The following BARHL1 variants were observed in gnomAD, a reference collection of about 807,000 sequenced individuals.
BARHL1 encodes barH-like 1 homeobox protein.
In BARHL1, 2 loss-of-function variants were observed where a neutral mutation model predicts 20.1. The observed-to-expected ratio is 0.10, with a 90% CI of 0.04 to 0.31. The LOEUF is 0.31. BARHL1 is among the 10% of genes least tolerant of loss of function. The pLI, the probability that BARHL1 is intolerant of heterozygous loss-of-function variation, is 1.00. For synonymous variants in BARHL1, 213 were observed against 209.9 expected (o/e 1.01, Z -0.13); for missense variants, 397 against 454.0 (o/e 0.87, Z 1.14).
intron 1 of BARHL1, 44 bp downstream of exon 1, chr9:132,583,307 T>G: frequency 6.6e-7 from 1 of 1,514,576 alleles, no homozygotes; most frequent in Admixed American, 2.0e-5. Flanking sequence ...GCTATGTATC[T>G]AAAAACTGAC....
rs952273991 is a variant in BARHL1 at position 132,582,741 on chromosome 9, C to G, written c.-57C>G. 5.6e-6 allele frequency: 8 copies of G among 1,424,820 alleles called. No individual in the cohort carries two copies. The African/African-American group carries it at 1.1e-4, about 20-fold the overall frequency. The allele number at this position is 1,424,820 out of a possible 1,614,324, so 88.3% of individuals were successfully genotyped here. A position where few individuals can be genotyped will look rare whatever the true frequency, so the allele number is the denominator to read the frequency against. On this transcript the variant is annotated 5_prime_UTR_variant, in exon 1 of 3. Coordinates refer to ENST00000263610, the MANE Select transcript of BARHL1 (RefSeq NM_020064.4). ...CCGCAGCTAGGGGCAGGGGCAGCGG[C>G]GGCTGGGGTTGGGGGTGGGTGGGGA...
In BARHL1 at chr9:132,589,473, C is replaced by T. The variant is rs1830183035; in HGVS notation, c.935C>T (p.Pro312Leu). 2.0e-6 allele frequency: 3 copies of T among 1,521,162 alleles called. No homozygotes were observed. Among genetic ancestry groups the T allele is most frequent in the Non-Finnish European group, 1.8e-6 (2 of 1,136,664 alleles). 94.2% of individuals were successfully genotyped at this position (1,521,162 alleles called of 1,614,324 possible). ...GLQGASEPPP[P>L]LPPLAGVLPR... is the part of the protein sequence containing the mutation. ...CAGGGCGCCAGCGAGCCGCCCCCGC[C>T]GCTGCCCCCCCTGGCCGGCGTCCTC... The change falls in exon 3 of 3, where the codon CCG becomes CTG. Residue 312 changes from proline (P) to leucine (L), a missense_variant. Pro to Leu is a moderately conservative substitution (Grantham distance 98). Coordinates refer to ENST00000263610, the MANE Select transcript of BARHL1 (RefSeq NM_020064.4).
Position 132,583,035 on chromosome 9 carries a change from C to A in BARHL1, c.238C>A (p.Pro80Thr). The change falls in exon 1 of 3, where the codon CCC becomes ACC. Residue 80 changes from proline to threonine, a missense_variant. By Grantham distance (38) the Pro-to-Thr change is conservative. This residue lies in a region of BARHL1 where 272 missense variants were observed against 298.7 expected (regional missense o/e 0.91). Coordinates refer to ENST00000263610, the MANE Select transcript of BARHL1 (RefSeq NM_020064.4). ...SGPGLDSHLQ[P>T]GQLSAPAQSR... ...CCCAGGTTTGGACTCCCACCTGCAG[C>A]CCGGGCAGCTCTCAGCCCCGGCCCA... The A allele has an allele frequency of 6.2e-7, 1 of 1,613,832 alleles. No homozygotes were observed. Among genetic ancestry groups the A allele is most frequent in the Non-Finnish European group, 8.5e-7 (1 of 1,179,956 alleles).
chr9:132,589,093 CG>C, intron 2 of BARHL1, 134 bp from the exon 3 acceptor site: 1 of 1,430,334 alleles, frequency 7.0e-7, no homozygotes, highest in South Asian at 1.6e-5. Context: ...GCCTGGCACT[CG>C]GTTATTTATT....
Position 132,587,377 on chromosome 9 carries a change from C to T in BARHL1, c.515C>T (p.Pro172Leu), listed in dbSNP as rs1376658986. The part of the protein sequence containing the change: ...REISSSRDSP[P>L]VRLKKPRKAR... ...ATCTCCAGCTCCAGGGACAGTCCCCCGGTGCGCCTGAAAAAGCCACGCAAG... is the reference window on the plus strand; with the variant it reads ...ATCTCCAGCTCCAGGGACAGTCCCCTGGTGCGCCTGAAAAAGCCACGCAAG... The change falls in exon 2 of 3, where the codon CCG becomes CTG. Residue 172 changes from proline to leucine, a missense_variant. Around this residue, in one of 3 missense-constraint regions of BARHL1, gnomAD observed 272 missense variants for 298.7 expected, o/e 0.91. Coordinates refer to ENST00000263610, the MANE Select transcript of BARHL1 (RefSeq NM_020064.4). The surrounding 1 kb of genome is among the most constrained non-coding windows in gnomAD (Gnocchi z 5.5). The T allele has an allele frequency of 1.2e-6, 2 of 1,611,426 alleles. No homozygotes were observed. The highest frequency in any genetic ancestry group is 1.7e-6 in the Non-Finnish European group (2 of 1,179,516).
chr9:132,587,526 G>A lies in BARHL1; in HGVS notation c.664G>A (p.Val222Ile). Residue 222 changes from valine (V) to isoleucine (I), a missense_variant, in exon 2 of 3, where the codon GTC (valine) becomes ATC (isoleucine). Transcript: ENST00000263610. This position sits in a 1 kb window ranked among gnomAD's most constrained non-coding sequence, Gnocchi z 5.5. The stretch of plus-strand genomic sequence containing the variant: ...CTCGCTCAACCTCACCGACACGCAG[G>A]TCAAGACCTGGTACCAGAACCGCAG... Reference protein sequence around the residue: ...AASLNLTDTQVKTWYQNRRTK... With the variant: ...AASLNLTDTQIKTWYQNRRTK... The A allele has an allele frequency of 6.2e-7, 1 of 1,612,036 alleles. No homozygotes were observed. Among genetic ancestry groups the A allele is most frequent in the Non-Finnish European group, 8.5e-7 (1 of 1,179,264 alleles).
At position 132,589,331 on chromosome 9, in the gene BARHL1, C is replaced by T; in HGVS notation, c.793C>T (p.Gln265Ter). The change falls in exon 3 of 3, where the codon CAG (glutamine) becomes TAG (stop). Residue 265 changes from glutamine (Q) to a stop codon, truncating the protein, a stop_gained. Coordinates refer to ENST00000263610, the MANE Select transcript of BARHL1 (RefSeq NM_020064.4). LOFTEE classifies it high-confidence loss of function. ...RMFPSPYFYP[Q>*]SLVSNLDPGA... is the part of the protein sequence containing the mutation. ...GTTCCCGTCGCCTTATTTCTACCCGCAGAGTCTGGTTTCCAACCTGGACCC... is the reference window on the plus strand; with the variant it reads ...GTTCCCGTCGCCTTATTTCTACCCGTAGAGTCTGGTTTCCAACCTGGACCC... 6.2e-7 allele frequency: 1 copy of T among 1,613,606 alleles called. No individual in the cohort carries two copies. Among genetic ancestry groups the T allele is most frequent in the Non-Finnish European group, 8.5e-7 (1 of 1,180,002 alleles).
intron 1 of BARHL1, among the ~76,000 whole-genome samples, chr9:132,584,558 A>T (rs913761595): frequency 7.2e-6 from 1 of 139,460 alleles, no homozygotes; most frequent in Non-Finnish European, 1.5e-5. Context: ...AGGAAGGCTC[A>T]TTTAACACTC....
At chr9:132,584,871 G>A (rs1830121237) in intron 1 of BARHL1, among the ~76,000 whole-genome samples, 1 of 152,206 alleles carries the variant, frequency 6.6e-6, no homozygotes, top group African/African-American at 2.4e-5. Context: ...AGGGGGAGGA[G>A]GAAGGAGGGG....
chr9:132,583,287 T>G (rs773454854), intron 1 of BARHL1, 24 bp downstream of exon 1: 2 of 1,575,954 alleles, frequency 1.3e-6, no homozygotes, highest in Admixed American at 1.8e-5. Context: ...AGGTGAAAAC[T>G]TGGGGGGATG....
At chr9:132,583,714 T>C (rs181662834) in intron 1 of BARHL1, among the ~76,000 whole-genome samples, 1 of 152,362 alleles carries the variant, frequency 6.6e-6, no homozygotes, top group Admixed American at 6.5e-5. Context: ...GTCAGAATTT[T>C]CTGCCTTTTA....
At position 132,587,698 on chromosome 9, in the gene BARHL1, A is replaced by AG; in HGVS notation, c.689+151dup. The AG allele has an allele frequency of 2.6e-6, 2 of 773,656 alleles. No individual in the cohort carries two copies. The highest frequency in any genetic ancestry group is 4.1e-6 in the Non-Finnish European group (2 of 485,196). 47.9% of individuals were successfully genotyped at this position (773,656 alleles called of 1,614,324 possible). ...GTAAAAGTGGGAAACTGAGTCCCTA[A>AG]GGGGACAAGGCCTTGCCCAAAGTCC... is the stretch of plus-strand genomic sequence containing the variant. On this transcript the variant is annotated intron_variant, in intron 2 of 2. Transcript: ENST00000263610. This position sits in a 1 kb window ranked among gnomAD's most constrained non-coding sequence, Gnocchi z 5.5.
In BARHL1 at chr9:132,586,785, G is replaced by C. The variant is rs553427686; in HGVS notation, c.467-544G>C. ...TCCATATAGGGGCAACGCCAGGCGG[G>C]GCACAATGATCTGTCCTTGAGGACA... is the stretch of plus-strand genomic sequence containing the variant. On this transcript the variant is annotated intron_variant, in intron 1 of 2. Transcript: ENST00000263610. Among the ~76,000 whole-genome samples, 3 of 152,386 alleles carry C rather than the reference G, an allele frequency of 2.0e-5. 1 individual carries two copies. In the South Asian group the frequency reaches 6.2e-4, roughly 32 times the overall value.
rs985247553 is a variant in BARHL1, at chr9:132,589,356, C to A, written c.818C>A (p.Pro273His). 1 of 1,613,378 alleles carries A rather than the reference C, an allele frequency of 6.2e-7. No individual in the cohort carries two copies. The highest frequency in any genetic ancestry group is 1.3e-5 in the African/African-American group (1 of 75,070). The change falls in exon 3 of 3, where the codon CCC becomes CAC. Residue 273 changes from proline (P) to histidine (H), a missense_variant. Around this residue, in one of 3 missense-constraint regions of BARHL1, gnomAD observed 121 missense variants for 135.9 expected, o/e 0.89. Coordinates refer to ENST00000263610, the MANE Select transcript of BARHL1 (RefSeq NM_020064.4). ...CAGAGTCTGGTTTCCAACCTGGACC[C>A]CGGCGCGGCGCTCTACCTGTACCGC... ...YPQSLVSNLD[P>H]GAALYLYRGP... is the part of the protein sequence containing the mutation.
At chr9:132,585,557 C>A (rs1316527826) in intron 1 of BARHL1, among the ~76,000 whole-genome samples, 1 of 152,212 alleles carries the variant, frequency 6.6e-6, no homozygotes, top group Non-Finnish European at 1.5e-5. Flanking sequence ...CAGGGAGAAC[C>A]CAAACCAGAG....
rs67522848 is a variant in BARHL1, at chr9:132,584,121, AGAAGGAAGGAAGGAAG to A, written c.466+892_466+907del. Among the ~76,000 whole-genome samples the A allele has an allele frequency of 3.2e-3, 460 of 144,216 alleles. 2 individuals are homozygous for A. Among genetic ancestry groups the A allele is most frequent in the South Asian group, 7.5e-3 (32 of 4,264 alleles). 94.6% of individuals were successfully genotyped at this position (144,216 alleles called of 152,430 possible). ...TGAGATCAGGGTTAAAAGGAAAGGG[AGAAGGAAGGAAGGAAG>A]GAAGGAAGGAAGGAAGGAAGGAAGG... On this transcript the variant is annotated intron_variant, in intron 1 of 2. Transcript: ENST00000263610.
At chr9:132,585,411 G>A (rs1396709332) in intron 1 of BARHL1, among the ~76,000 whole-genome samples, 2 of 152,186 alleles carry the variant, frequency 1.3e-5, no homozygotes, top group African/African-American at 4.8e-5. Flanking sequence ...AGGAGGGCAT[G>A]GGGGAAGGTC....
rs748219031 is a variant in BARHL1 at position 132,587,332 on chromosome 9, A to C, written c.470A>C (p.Lys157Thr). Reference protein sequence around the residue: ...NASSDSEYKVKEEGDREISSS... With the variant: ...NASSDSEYKVTEEGDREISSS... ...TGACATGCCGCTGTGTCCGCAGTGA[A>C]GGAGGAGGGCGACCGCGAGATCTCC... The change falls in exon 2 of 3, where the codon AAG becomes ACG. Residue 157 changes from lysine to threonine, a missense_variant. Transcript: ENST00000263610. This position sits in a 1 kb window ranked among gnomAD's most constrained non-coding sequence, Gnocchi z 5.5. 1 of 1,601,554 alleles carries C rather than the reference A, an allele frequency of 6.2e-7. No homozygotes were observed. The highest frequency in any genetic ancestry group is 1.1e-5 in the South Asian group (1 of 88,274).
Position 132,587,516 on chromosome 9 carries a change from C to T in BARHL1, c.654C>T (p.Thr218=), listed in dbSNP as rs759924286. 2 of 1,612,294 alleles carry T rather than the reference C, an allele frequency of 1.2e-6. No individual in the cohort carries two copies. The highest frequency in any genetic ancestry group is 1.1e-5 in the South Asian group (1 of 90,772). The change falls in exon 2 of 3, where the codon ACC becomes ACT. Residue 218 remains threonine (T), a synonymous_variant. Coordinates refer to ENST00000263610, the MANE Select transcript of BARHL1 (RefSeq NM_020064.4). The surrounding 1 kb of genome is among the most constrained non-coding windows in gnomAD (Gnocchi z 5.5). ...AGCTCGCCGCCTCGCTCAACCTCAC[C>T]GACACGCAGGTCAAGACCTGGTACC... The part of the protein sequence containing the change: ...RMELAASLNL[T]DTQVKTWYQN...
Sources: allele counts gnomAD v4.1 joint callset (sites outside exome capture counted in the v4.1 genomes callset), GRCh38; gene constraint gnomAD v4.1.1; regional missense constraint gnomAD v4.1.1; non-coding constraint Gnocchi (gnomAD v3.1); transcripts MANE v1.5; gene names NCBI Gene and HGNC (gene_info 2026-07-23, HGNC 2026-07-21).